The following NCOR2 variants were observed in gnomAD, a reference collection of about 807,000 sequenced individuals.
NCOR2 encodes the protein nuclear receptor corepressor 2, also known as CTG repeat protein 26.
In NCOR2, 81 loss-of-function variants were observed where a neutral mutation model predicts 262.9. The ratio of observed to expected loss-of-function variants is 0.31; its 90% CI spans 0.26 to 0.37. The LOEUF (loss-of-function observed/expected upper bound fraction) is 0.37, where lower values mean the gene tolerates loss of function less well. NCOR2 is among the 10% of genes least tolerant of loss of function. The pLI is 1.00. For missense variants in NCOR2, 3,385 were observed against 3,621.4 expected, an observed-to-expected ratio of 0.93 and a Z score of 1.68; for synonymous variants, 1,659 against 1,559.3, an observed-to-expected ratio of 1.06 and a Z score of -1.51.
chr12:124,428,023 T>G (rs1425412687), intron 10 of NCOR2, among the ~76,000 whole-genome samples: 1 of 128,508 alleles, frequency 7.8e-6, no homozygotes, highest in Admixed American at 7.9e-5. Context: ...AGGACTCTGA[T>G]GACTGCATTC....
chr12:124,372,503 C>T lies in NCOR2; in HGVS notation c.2326G>A (p.Asp776Asn), dbSNP rs200734211. The T allele has an allele frequency of 1.0e-5, 16 of 1,585,822 alleles. No individual in the cohort carries two copies. The highest frequency in any genetic ancestry group is 5.6e-5 in the South Asian group (5 of 89,886). The change falls in exon 20 of 47, where the codon GAC becomes AAC. Residue 776 changes from aspartate (D) to asparagine (N), a missense_variant. Coordinates refer to ENST00000405201, the Ensembl canonical transcript of NCOR2. ...GTGGGTGGCCCTGGGGGTGGCCCGT[C>T]GGCGCCCAGGGTGGCTGGGGGCTTG...
At chr12:124,501,058 GCGCGCACACACACACACACA>G (rs1187396189) in intron 1 of NCOR2, among the ~76,000 whole-genome samples, 3 of 66,216 alleles carry the variant, frequency 4.5e-5, no homozygotes, top group African/African-American at 1.6e-4. Flanking sequence ...GCGCGCGCAC[GCGCGCACACACACACACACA>G]CACACACACA....
At chr12:124,512,581 G>A (rs1223855421) in intron 1 of NCOR2, among the ~76,000 whole-genome samples, 1 of 152,118 alleles carries the variant, frequency 6.6e-6, no homozygotes, top group Admixed American at 6.5e-5. Context: ...ACTCTTGGGG[G>A]TATCACCACT....
At chr12:124,498,853 AAATGT>A (rs1442075775), upstream of NCOR2, among the ~76,000 whole-genome samples, 1 of 152,192 alleles carries the variant, frequency 6.6e-6, no homozygotes, top group Non-Finnish European at 1.5e-5. Flanking sequence ...CATAACCAGA[AAATGT>A]CATGCTGAAC....
Position 124,503,370 on chromosome 12 carries a change from GGGAGGAT to G in NCOR2, c.-117-8009_-117-8003del, listed in dbSNP as rs1436225563. 6.6e-6 allele frequency among the ~76,000 whole-genome samples: 1 copy of G among 152,188 alleles called. No individual in the cohort carries two copies. ...GAGAAGATGGAAGAGGGATAGAGAT[GGGAGGAT>G]GGAGGAGAAAGGAGGAAGGGAGGGA... On this transcript the variant is annotated intron_variant, in intron 1 of 46. Transcript: ENST00000404621. The surrounding 1 kb of genome is among the most constrained non-coding windows in gnomAD (Gnocchi z 4.3).
exon 47 of NCOR2, chr12:124,325,380 C>CA (rs200275711): frequency 7.3e-5 from 24 of 327,262 alleles, no homozygotes; most frequent in Non-Finnish European, 8.0e-5. Flanking sequence ...TGACACCGCC[C>CA]CCCCCCCCGC....
chr12:124,461,673 C>T (rs1469813528), intron 5 of NCOR2, among the ~76,000 whole-genome samples: 1 of 152,232 alleles, frequency 6.6e-6, no homozygotes, highest in Non-Finnish European at 1.5e-5. Flanking sequence ...TGTAACCACA[C>T]CCGCCCCACA....
chr12:124,411,726 C>G (rs935682880), intron 13 of NCOR2, among the ~76,000 whole-genome samples: 1 of 152,244 alleles, frequency 6.6e-6, no homozygotes, highest in African/African-American at 2.4e-5. Flanking sequence ...TTGAGCTGTT[C>G]CCCGCACCGC....
At chr12:124,487,280 C>A (rs1362625196) in intron 1 of NCOR2, among the ~76,000 whole-genome samples, 1 of 152,214 alleles carries the variant, frequency 6.6e-6, no homozygotes, top group African/African-American at 2.4e-5. Flanking sequence ...CACCCGACAG[C>A]CAGCGAGGCC....
At chr12:124,367,627 T>C (rs1174202384) in intron 20 of NCOR2, among the ~76,000 whole-genome samples, 1 of 151,944 alleles carries the variant, frequency 6.6e-6, no homozygotes, top group East Asian at 1.9e-4. Flanking sequence ...TTTGTTTTAT[T>C]TTATTTATTT....
chr12:124,340,312 C>G, exon 36 of NCOR2: 2 of 1,611,882 alleles, frequency 1.2e-6, no homozygotes, highest in Non-Finnish European at 1.7e-6. Flanking sequence ...CAGATGGGTG[C>G]GTGCTCCACC....
At chr12:124,558,804 G>T (rs148461276) in intron 1 of NCOR2, among the ~76,000 whole-genome samples, 1 of 152,102 alleles carries the variant, frequency 6.6e-6, no homozygotes, top group African/African-American at 2.4e-5. Flanking sequence ...ACCCCAACGG[G>T]CCCCTGAATG....
chr12:124,541,144 T>G (rs1472622645), intron 1 of NCOR2, among the ~76,000 whole-genome samples: 1 of 596 alleles, frequency 1.7e-3, no homozygotes, highest in Non-Finnish European at 2.8e-3. Context: ...TGGAGGGGGA[T>G]GGGGAGTGGA....
At chr12:124,385,075 G>C (rs1259754177) in intron 17 of NCOR2, among the ~76,000 whole-genome samples, 1 of 152,000 alleles carries the variant, frequency 6.6e-6, no homozygotes, top group Non-Finnish European at 1.5e-5. Context: ...AGGAGAGAGG[G>C]AAGGCAGCAG....
chr12:124,561,630 G>A (rs934679197), intron 1 of NCOR2, among the ~76,000 whole-genome samples: 2 of 152,182 alleles, frequency 1.3e-5, no homozygotes, highest in Non-Finnish European at 2.9e-5. Context: ...GACCAGCCCA[G>A]AGGGCACACC....
At chr12:124,411,890 C>T (rs1277492537) in intron 13 of NCOR2, among the ~76,000 whole-genome samples, 1 of 152,218 alleles carries the variant, frequency 6.6e-6, no homozygotes, top group Non-Finnish European at 1.5e-5. Flanking sequence ...CCCTCCCTTG[C>T]CAAAGCTCAG....
chr12:124,382,183 G>A (rs2040458829), intron 17 of NCOR2, among the ~76,000 whole-genome samples: 1 of 152,234 alleles, frequency 6.6e-6, no homozygotes, highest in Non-Finnish European at 1.5e-5. Flanking sequence ...GGGGCAGGAG[G>A]TGGAGGTCAC....
chr12:124,336,809 C>G (rs374660196), exon 38 of NCOR2: 1 of 1,613,204 alleles, frequency 6.2e-7, no homozygotes, highest in Non-Finnish European at 8.5e-7. Context: ...AGTCTTTTCC[C>G]GGTGCGGGTC....
At chr12:124,377,210 G>C (rs940806565) in intron 18 of NCOR2, among the ~76,000 whole-genome samples, 6 of 152,274 alleles carry the variant, frequency 3.9e-5, no homozygotes, top group Non-Finnish European at 8.8e-5. Flanking sequence ...AGGGGACTCG[G>C]GGGGACCCAC....
Sources: allele counts gnomAD v4.1 joint callset (sites outside exome capture counted in the v4.1 genomes callset), GRCh38; gene constraint gnomAD v4.1.1; non-coding constraint Gnocchi (gnomAD v3.1); transcripts MANE v1.5; gene names NCBI Gene and HGNC (gene_info 2026-07-23, HGNC 2026-07-21).